TBC1D5: variants seen among roughly 807,000 people sequenced by gnomAD.
TBC1D5 encodes the protein TBC1 domain family, member 5.
Under a neutral mutation model 100.3 loss-of-function variants are expected in TBC1D5, and 75 were observed. The observed-to-expected ratio is 0.75, with a 90% CI of 0.62 to 0.91. The LOEUF is 0.91. Among genes scored for constraint, TBC1D5 ranks in the 40% least tolerant of loss-of-function variants. The probability of loss-of-function intolerance (pLI) is 0.00; values close to 1 mark genes in which losing one functional copy is unlikely to be tolerated. For missense variants in TBC1D5, 910 were observed against 942.4 expected (o/e 0.97, Z 0.45); for synonymous variants, 323 against 325.6 (o/e 0.99, Z 0.09).
intron 2 of TBC1D5, among the ~76,000 whole-genome samples, chr3:17,524,054 T>G (rs779274976): frequency 6.6e-6 from 1 of 152,140 alleles, no homozygotes; most frequent in Non-Finnish European, 1.5e-5. Flanking sequence ...TAAGCAGGTA[T>G]CATTTCCTTT....
intron 13 of TBC1D5, among the ~76,000 whole-genome samples, chr3:17,330,659 T>G (rs1238788428): frequency 6.6e-6 from 1 of 152,112 alleles, no homozygotes; most frequent in Non-Finnish European, 1.5e-5. Context: ...TGGAGATGAG[T>G]TCCCCTTGCT....
At chr3:17,361,514 T>C (rs183174247) in intron 13 of TBC1D5, among the ~76,000 whole-genome samples, 2 of 152,170 alleles carry the variant, frequency 1.3e-5, no homozygotes, top group African/African-American at 4.8e-5. Flanking sequence ...CTCTACTATA[T>C]TTAGGGCTAA....
chr3:17,297,184 A>T (rs956759145), intron 14 of TBC1D5, among the ~76,000 whole-genome samples: 6 of 152,208 alleles, frequency 3.9e-5, no homozygotes, highest in Non-Finnish European at 8.8e-5. Flanking sequence ...TGTACTATGA[A>T]CTTTGAAGGA....
chr3:17,428,339 T>C (rs1238172662), intron 4 of TBC1D5, 111 bp downstream of exon 4: 1 of 311,122 alleles, frequency 3.2e-6, no homozygotes, highest in Non-Finnish European at 5.4e-6. Context: ...TTCCTTACTA[T>C]TCTAGATCAA....
intron 2 of TBC1D5, among the ~76,000 whole-genome samples, chr3:17,601,499 G>A (rs1049559524): frequency 2.0e-5 from 3 of 152,098 alleles, no homozygotes; most frequent in South Asian, 2.1e-4. Flanking sequence ...CAACAAGAGC[G>A]AAACTCCGTC....
chr3:17,527,567 C>T (rs1402191676), intron 2 of TBC1D5, among the ~76,000 whole-genome samples: 1 of 152,120 alleles, frequency 6.6e-6, no homozygotes, highest in Non-Finnish European at 1.5e-5. Context: ...TGACTACTTG[C>T]CCATCCACTC....
chr3:17,402,115 T>G (rs1165863078), intron 8 of TBC1D5, among the ~76,000 whole-genome samples: 1 of 152,182 alleles, frequency 6.6e-6, no homozygotes, highest in African/African-American at 2.4e-5. Flanking sequence ...TTTCATTTAC[T>G]CTAAACCTGT....
At chr3:17,188,522 C>T (rs1030620641) in intron 18 of TBC1D5, among the ~76,000 whole-genome samples, 16 of 152,188 alleles carry the variant, frequency 1.1e-4, no homozygotes, top group Non-Finnish European at 1.8e-4. Context: ...CCAAGAACCT[C>T]GTCCATAGTC....
chr3:17,667,607 G>A (rs116652665), intron 1 of TBC1D5, among the ~76,000 whole-genome samples: 3,429 of 151,564 alleles, frequency 0.023, 111 homozygotes, highest in African/African-American at 0.078. Context: ...ATGCACCACC[G>A]CACCTGGCTA....
intron 15 of TBC1D5, among the ~76,000 whole-genome samples, chr3:17,275,627 T>C (rs2079909033): frequency 6.6e-6 from 1 of 152,188 alleles, no homozygotes; most frequent in Admixed American, 6.5e-5. Context: ...GTATGATTAA[T>C]ATATATCTAA....
rs1393259451 is a variant in TBC1D5 at position 17,376,506 on chromosome 3, T to C, written c.701+19A>G. Reference sequence around the variant, plus strand: ...GGGGCTAAAAAACAAATGGAGCTCATATTAAAAAAAAAACTTGCCTGGGCT... The same window carrying C: ...GGGGCTAAAAAACAAATGGAGCTCACATTAAAAAAAAAACTTGCCTGGGCT... On this transcript the variant is annotated intron_variant, in intron 10 of 21. Transcript: ENST00000253692. 6.3e-7 allele frequency: 1 copy of C among 1,581,546 alleles called. No homozygotes were observed. Among genetic ancestry groups the C allele is most frequent in the Non-Finnish European group, 8.5e-7 (1 of 1,169,974 alleles).
At chr3:17,308,363 A>G (rs1178392109) in intron 13 of TBC1D5, among the ~76,000 whole-genome samples, 1 of 152,184 alleles carries the variant, frequency 6.6e-6, no homozygotes, top group African/African-American at 2.4e-5. Flanking sequence ...TTATACATAT[A>G]TATGAAAAAA....
At chr3:17,405,182 A>G (rs2093739732) in intron 5 of TBC1D5, among the ~76,000 whole-genome samples, 1 of 152,054 alleles carries the variant, frequency 6.6e-6, no homozygotes, top group Admixed American at 6.6e-5. Context: ...AGATAACAAA[A>G]GCTATACCAC....
chr3:17,584,183 G>A (rs951385291), intron 2 of TBC1D5, among the ~76,000 whole-genome samples: 3 of 152,156 alleles, frequency 2.0e-5, no homozygotes, highest in African/African-American at 7.2e-5. Flanking sequence ...CAGAGCCTAG[G>A]GCTAAGGCAG....
At chr3:17,253,620 G>A (rs181071690) in intron 16 of TBC1D5, among the ~76,000 whole-genome samples, 3 of 152,042 alleles carry the variant, frequency 2.0e-5, no homozygotes, top group East Asian at 3.9e-4. Context: ...TCCCAAATTC[G>A]CTCATGTCTC....
At chr3:17,287,455 G>T (rs371500869) in intron 15 of TBC1D5, among the ~76,000 whole-genome samples, 1 of 152,168 alleles carries the variant, frequency 6.6e-6, no homozygotes, top group Non-Finnish European at 1.5e-5. Context: ...CAGAACAGAC[G>T]CCAGGAATCC....
chr3:17,445,724 G>C (rs2094775225), intron 3 of TBC1D5, among the ~76,000 whole-genome samples: 1 of 152,108 alleles, frequency 6.6e-6, no homozygotes, highest in African/African-American at 2.4e-5. Flanking sequence ...CTCTTAATAT[G>C]TCAAATTTAT....
intron 1 of TBC1D5, among the ~76,000 whole-genome samples, chr3:17,631,923 A>G (rs1243212004): frequency 6.6e-6 from 1 of 152,248 alleles, no homozygotes; most frequent in Non-Finnish European, 1.5e-5. Flanking sequence ...GCTTGCTAAT[A>G]TAATATCCAT....
intron 13 of TBC1D5, among the ~76,000 whole-genome samples, chr3:17,357,789 G>T (rs13318886): frequency 0.51 from 78,057 of 152,082 alleles, 21,917 homozygotes; most frequent in African/African-American, 0.72. Context: ...TTTCTGTTGC[G>T]TTCCATTGAA....
Sources: gnomAD v4.1 joint callset for allele counts (sites outside exome capture counted in the v4.1 genomes callset) on GRCh38, gnomAD v4.1.1 for gene constraint, MANE v1.5 for transcripts, NCBI Gene and HGNC (gene_info 2026-07-23, HGNC 2026-07-21) for gene names.